SHISA6: variants seen among roughly 807,000 people sequenced by gnomAD.
SHISA6 encodes protein shisa-6.
Under a neutral mutation model 47.9 loss-of-function variants are expected in SHISA6, and 22 were observed. The observed-to-expected ratio is 0.46, with a 90% confidence interval of 0.33 to 0.66. The LOEUF (loss-of-function observed/expected upper bound fraction) is 0.66, where lower values mean the gene tolerates loss of function less well. Among genes scored for constraint, SHISA6 ranks in the 30% least tolerant of loss-of-function variants. The pLI, the probability that SHISA6 is intolerant of heterozygous loss-of-function variation, is 0.02. For missense variants in SHISA6, 680 were observed against 764.6 expected, an observed-to-expected ratio of 0.89 and a Z score of 1.30; for synonymous variants, 388 against 337.8, an observed-to-expected ratio of 1.15 and a Z score of -1.63.
At chr17:11,260,297 T>G (rs1908179415) in intron 1 of SHISA6, among the ~76,000 whole-genome samples, 1 of 152,110 alleles carries the variant, frequency 6.6e-6, no homozygotes, top group Admixed American at 6.5e-5. Flanking sequence ...TTTTGTTTGA[T>G]ATATCAGATA....
intron 3 of SHISA6, among the ~76,000 whole-genome samples, chr17:11,503,552 C>T (rs1156981748): frequency 1.3e-5 from 2 of 152,310 alleles, no homozygotes; most frequent in African/African-American, 4.8e-5. Flanking sequence ...GCCTGACAGT[C>T]GGTTTCCTCC....
At chr17:11,466,704 T>A (rs1915818241) in intron 3 of SHISA6, among the ~76,000 whole-genome samples, 1 of 152,188 alleles carries the variant, frequency 6.6e-6, no homozygotes, top group African/African-American at 2.4e-5. Context: ...TTTCTGAACT[T>A]TGAGGCTTTT....
chr17:11,263,505 C>T lies in SHISA6; in HGVS notation c.778C>T (p.Arg260Cys), dbSNP rs775491766. The T allele has an allele frequency of 4.5e-5, 70 of 1,551,560 alleles. No individual in the cohort carries two copies. Among genetic ancestry groups the T allele is most frequent in the Middle Eastern group, 1.7e-4 (1 of 6,014 alleles). The part of the protein sequence containing the change: ...SSSKNHYTPV[R>C]TAKQTPGHYG... ...CTCCAAAAACCACTACACTCCTGTG[C>T]GTACGGCCAAGCAGACTCCAGGTAA... is the stretch of plus-strand genomic sequence containing the variant. Residue 260 changes from arginine to cysteine, a missense_variant, in exon 2 of 6, where the codon CGT becomes TGT. Coordinates refer to ENST00000441885, the MANE Select transcript of SHISA6 (RefSeq NM_207386.4).
chr17:11,478,553 G>T, intron 3 of SHISA6, among the ~76,000 whole-genome samples: 2 of 71,752 alleles, frequency 2.8e-5, no homozygotes, highest in South Asian at 7.1e-4. Flanking sequence ...TATGGTTTTA[G>T]GTCTAACGTT....
intron 2 of SHISA6, among the ~76,000 whole-genome samples, chr17:11,354,493 A>G (rs1363488327): frequency 2.0e-5 from 3 of 152,148 alleles, no homozygotes; most frequent in Non-Finnish European, 4.4e-5. Flanking sequence ...CTCCGACCTC[A>G]TGTTCCATTC....
chr17:11,286,566 G>A (rs2142164985), intron 2 of SHISA6, among the ~76,000 whole-genome samples: 2 of 152,280 alleles, frequency 1.3e-5, no homozygotes, highest in South Asian at 4.1e-4. Flanking sequence ...ATGCTGGAAT[G>A]TTTGTAAGGA....
intron 3 of SHISA6, among the ~76,000 whole-genome samples, chr17:11,466,467 C>G (rs1281403855): frequency 2.0e-5 from 3 of 152,170 alleles, no homozygotes; most frequent in African/African-American, 7.2e-5. Context: ...CTGCAAAGTC[C>G]CTTTTGCCAT....
rs1567609063 is a variant in SHISA6 at position 11,450,199 on chromosome 17, TAA to T, written c.895+70691_895+70692del. On this transcript the variant is annotated intron_variant, in intron 3 of 5. Transcript: ENST00000441885. ...CCATGCCCAGCCGGATCTCTTCCTA[TAA>T]GGACATGAATCAAATTGAATTTAGG... is the stretch of plus-strand genomic sequence containing the variant. Among the ~76,000 whole-genome samples the T allele has an allele frequency of 1.2e-4, 19 of 152,168 alleles. No homozygotes were observed. In the South Asian group the frequency reaches 3.9e-3, roughly 32 times the overall value.
intron 3 of SHISA6, among the ~76,000 whole-genome samples, chr17:11,466,375 A>T (rs1915810748): frequency 6.6e-6 from 1 of 152,154 alleles, no homozygotes; most frequent in Non-Finnish European, 1.5e-5. Context: ...AGCTTGAGGA[A>T]GGGGAATAGT....
At chr17:11,446,846 G>A (rs931759117) in intron 3 of SHISA6, among the ~76,000 whole-genome samples, 2 of 152,192 alleles carry the variant, frequency 1.3e-5, no homozygotes, top group Admixed American at 6.5e-5. Context: ...CTGGAAACAG[G>A]AGTGATATGT....
At chr17:11,388,813 T>TATAC (rs1913286423) in intron 3 of SHISA6, among the ~76,000 whole-genome samples, 1 of 97,882 alleles carries the variant, frequency 1.0e-5, no homozygotes, top group Non-Finnish European at 2.0e-5. Flanking sequence ...TATATATATA[T>TATAC]ATATATATAT....
At chr17:11,287,712 AGGGAGGGAGGG>A (rs1909368121) in intron 2 of SHISA6, among the ~76,000 whole-genome samples, 1 of 14,178 alleles carries the variant, frequency 7.1e-5, no homozygotes, top group African/African-American at 2.3e-4. Flanking sequence ...GGAAGGAAGG[AGGGAGGGAGGG>A]AGGAAGGGGC....
chr17:11,489,804 G>GGC (rs1465575368), intron 3 of SHISA6, among the ~76,000 whole-genome samples: 1 of 152,130 alleles, frequency 6.6e-6, no homozygotes, highest in African/African-American at 2.4e-5. Flanking sequence ...TCAGTTTACT[G>GGC]GCAACTAGTG....
At chr17:11,340,718 A>T (rs995732008) in intron 2 of SHISA6, among the ~76,000 whole-genome samples, 1 of 151,908 alleles carries the variant, frequency 6.6e-6, no homozygotes, top group Non-Finnish European at 1.5e-5. Flanking sequence ...CATCACCTCC[A>T]CTCCAAAGAG....
intron 2 of SHISA6, among the ~76,000 whole-genome samples, chr17:11,344,830 T>C (rs574262271): frequency 6.6e-6 from 1 of 152,220 alleles, no homozygotes; most frequent in Non-Finnish European, 1.5e-5. Flanking sequence ...TATAATAAAT[T>C]ATTGTTAATT....
intron 3 of SHISA6, among the ~76,000 whole-genome samples, chr17:11,482,321 A>G (rs1323031847): frequency 2.6e-5 from 4 of 152,262 alleles, no homozygotes; most frequent in African/African-American, 7.2e-5. Context: ...ACAAAGGAAC[A>G]TAAGTTACAT....
At chr17:11,281,525 T>A (rs1909119964) in intron 2 of SHISA6, among the ~76,000 whole-genome samples, 1 of 152,274 alleles carries the variant, frequency 6.6e-6, no homozygotes, top group South Asian at 2.1e-4. Flanking sequence ...TATCTTACCA[T>A]TTTTATATAT....
intron 3 of SHISA6, among the ~76,000 whole-genome samples, chr17:11,410,297 A>T (rs1914079686): frequency 6.6e-6 from 1 of 152,226 alleles, no homozygotes; most frequent in African/African-American, 2.4e-5. Context: ...TCACTGAAGC[A>T]ATAGCAATCC....
intron 2 of SHISA6, 27 bp from the exon 3 acceptor site, chr17:11,379,387 A>AG (rs1448002399): frequency 1.3e-6 from 2 of 1,490,582 alleles, no homozygotes; most frequent in African/African-American, 2.8e-5. Flanking sequence ...TGGATGCGCC[A>AG]GGTAATTCTG....
Sources: allele counts gnomAD v4.1 joint callset (sites outside exome capture counted in the v4.1 genomes callset), GRCh38; gene constraint gnomAD v4.1.1; transcripts MANE v1.5; gene names NCBI Gene and HGNC (gene_info 2026-07-23, HGNC 2026-07-21).